ANAPC2: variants seen among roughly 807,000 people sequenced by gnomAD.
The protein encoded by ANAPC2 is anaphase promoting complex subunit 2.
ANAPC2 carries 29 observed loss-of-function variants against 84.3 expected under a neutral mutation model. That is an observed-to-expected ratio of 0.34 (90% CI 0.26 to 0.47). The LOEUF is 0.47. Ranked by LOEUF, ANAPC2 falls within the 20% of genes least tolerant of loss-of-function variation. The probability of loss-of-function intolerance (pLI) is 1.00; values close to 1 mark genes in which losing one functional copy is unlikely to be tolerated. For missense variants in ANAPC2, 857 were observed against 1,131.7 expected, an observed-to-expected ratio of 0.76 and a Z score of 3.48; for synonymous variants, 571 against 479.4, an observed-to-expected ratio of 1.19 and a Z score of -2.50.
At chr9:137,177,310 G>A (rs1041867561) in intron 10 of ANAPC2, among the ~76,000 whole-genome samples, 6 of 146,046 alleles carry the variant, frequency 4.1e-5, no homozygotes, top group South Asian at 4.6e-4. Context: ...GTTTGGACTC[G>A]CTGTCCTTTT....
chr9:137,180,508 G>A lies in ANAPC2; in HGVS notation c.1630C>T (p.Leu544=). Residue 544 remains leucine (L), a synonymous_variant, in exon 9 of 13, where the codon CTG becomes TTG. Coordinates refer to ENST00000323927, the MANE Select transcript of ANAPC2 (RefSeq NM_013366.4). ...SPEREIRNVE[L]LKLRFGEAPM... ...GCCTCGCCAAAGCGCAGCTTCAGCA[G>A]CTCCACGTTGCGGATCTCCCTGGAA... 1 of 1,613,026 alleles carries A rather than the reference G, an allele frequency of 6.2e-7. No individual in the cohort carries two copies. Among genetic ancestry groups the A allele is most frequent in the Non-Finnish European group, 8.5e-7 (1 of 1,179,924 alleles).
rs1834517226 is a variant in ANAPC2, at chr9:137,188,095, G to C, written c.126C>G (p.Ser42=). Residue 42 remains serine, a synonymous_variant, in exon 2 of 13, where the codon TCC becomes TCG. Coordinates refer to ENST00000323927, the MANE Select transcript of ANAPC2 (RefSeq NM_013366.4). Reference sequence around the variant, plus strand: ...TTGGCGGGACTGCACCGCTGGTCCGGGAAGACACCTGGGGTGCAGAAAACC... The same window carrying C: ...TTGGCGGGACTGCACCGCTGGTCCGCGAAGACACCTGGGGTGCAGAAAACC... ...VPPAALGLVS[S]RTSGAVPPKE... The C allele has an allele frequency of 6.2e-7, 1 of 1,611,196 alleles. No individual in the cohort carries two copies. Among genetic ancestry groups the C allele is most frequent in the East Asian group, 2.2e-5 (1 of 44,870 alleles).
At position 137,187,630 on chromosome 9, in the gene ANAPC2, C is replaced by T; in HGVS notation, c.591G>A (p.Pro197=). 1.9e-6 allele frequency: 3 copies of T among 1,614,098 alleles called. No homozygotes were observed. The highest frequency in any genetic ancestry group is 2.5e-6 in the Non-Finnish European group (3 of 1,180,034). ...GGCTGTCCAGCTCCCCTTCCAGTTC[C>T]GGGTCTGTGCCCCCTTCCCCCTTCC... ...SKRKGEGGTD[P]ELEGELDSRY... is the part of the protein sequence containing the mutation. The change falls in exon 2 of 13, where the codon CCG becomes CCA. Residue 197 remains proline (P), a synonymous_variant. Transcript: ENST00000323927.
rs547784463 is a variant in ANAPC2 at position 137,180,432 on chromosome 9, C to T, written c.1686+20G>A. The T allele has an allele frequency of 6.7e-5, 108 of 1,612,668 alleles. No homozygotes were observed. Among genetic ancestry groups the T allele is most frequent in the African/African-American group, 1.5e-4 (11 of 75,070 alleles). ...GGGGACCTGCGGGGCGGCCGGGCAG[C>T]GGGCGGGGCTGGGACCCACCTTCAG... On this transcript the variant is annotated intron_variant, in intron 9 of 12. Coordinates refer to ENST00000323927, the MANE Select transcript of ANAPC2 (RefSeq NM_013366.4).
At chr9:137,181,462 C>T (rs565959685) in intron 7 of ANAPC2, among the ~76,000 whole-genome samples, 2 of 152,274 alleles carry the variant, frequency 1.3e-5, no homozygotes, top group Non-Finnish European at 2.9e-5. Context: ...GCATCCCCCA[C>T]GGCCAGAGTG....
chr9:137,181,538 C>G, intron 7 of ANAPC2, 143 bp downstream of exon 7: 2 of 951,300 alleles, frequency 2.1e-6, no homozygotes, highest in Non-Finnish European at 2.9e-6. Context: ...GAGCACTGCC[C>G]TGACCTTTGA....
Position 137,188,101 on chromosome 9 carries a change from C to T in ANAPC2, c.120G>A (p.Val40=). The stretch of plus-strand genomic sequence containing the variant: ...GGACTGCACCGCTGGTCCGGGAAGA[C>T]ACCTGGGGTGCAGAAAACCGTGAGG... ...GLVPPAALGL[V]SSRTSGAVPP... is the part of the protein sequence containing the mutation. Residue 40 remains valine (V), a splice_region_variant and synonymous_variant, in exon 2 of 13, where the codon GTG becomes GTA. Transcript: ENST00000323927. 6.2e-7 allele frequency: 1 copy of T among 1,609,642 alleles called. No individual in the cohort carries two copies.
chr9:137,183,630 G>A (rs760008548), intron 5 of ANAPC2, 42 bp downstream of exon 5: 13 of 1,589,894 alleles, frequency 8.2e-6, no homozygotes, highest in South Asian at 1.1e-5. Flanking sequence ...CCTGGTGAGT[G>A]TCTAAGCCCA....
chr9:137,176,089 T>TGAGGTG, intron 10 of ANAPC2: 1 of 433,442 alleles, frequency 2.3e-6, no homozygotes, highest in African/African-American at 2.4e-5. Context: ...CCCCCAGTGC[T>TGAGGTG]TGGAAATGTG....
chr9:137,182,177 A>C (rs1834357522), intron 6 of ANAPC2, among the ~76,000 whole-genome samples: 1 of 152,056 alleles, frequency 6.6e-6, no homozygotes, highest in South Asian at 2.1e-4. Flanking sequence ...CTGCCACTGC[A>C]CTCCAACAGA....
In ANAPC2 at chr9:137,183,207, A is replaced by T. The variant is rs745612567; in HGVS notation, c.1204T>A (p.Ser402Thr). Reference protein sequence around the residue: ...NTCDIITLYISAIKALRVLDP... With the variant: ...NTCDIITLYITAIKALRVLDP... ...AGCACGCGCAGCGCCTTGATGGCAG[A>T]GATATAGAGGGTGATGATGTCACAC... is the stretch of plus-strand genomic sequence containing the variant. Residue 402 changes from serine to threonine, a missense_variant, in exon 6 of 13, where the codon TCT (serine) becomes ACT (threonine). By Grantham distance (58) the Ser-to-Thr change is moderately conservative. Around this residue, in one of 3 missense-constraint regions of ANAPC2, gnomAD observed 425 missense variants for 595.5 expected, o/e 0.71. Transcript: ENST00000323927. 1 of 1,613,220 alleles carries T rather than the reference A, an allele frequency of 6.2e-7. No individual in the cohort carries two copies. The highest frequency in any genetic ancestry group is 8.5e-7 in the Non-Finnish European group (1 of 1,179,950).
chr9:137,181,535 G>A (rs1834343286), intron 7 of ANAPC2, 146 bp downstream of exon 7: 1 of 911,750 alleles, frequency 1.1e-6, no homozygotes, highest in Admixed American at 3.5e-5. Context: ...GCGGAGCACT[G>A]CCCTGACCTT....
intron 10 of ANAPC2, among the ~76,000 whole-genome samples, chr9:137,178,498 G>A (rs141106763): frequency 6.6e-6 from 1 of 151,914 alleles, no homozygotes; most frequent in Non-Finnish European, 1.5e-5. Context: ...AGGCCATTGG[G>A]GCCTTGCCTG....
intron 10 of ANAPC2, among the ~76,000 whole-genome samples, chr9:137,178,941 G>A (rs1382468521): frequency 6.6e-6 from 1 of 152,198 alleles, no homozygotes; most frequent in Non-Finnish European, 1.5e-5. Flanking sequence ...CCTCCCCTAG[G>A]AGTAAGTTCC....
rs139583307 is a variant in ANAPC2 at position 137,175,369 on chromosome 9, C to A, written c.2124G>T (p.Glu708Asp). ...VWLQQGVLRE[E>D]PPGTFSVIEE... ...CAATGACAGAGAAGGTGCCGGGGGGCTCCTCACGCAGCACACCCTGCTGCA... is the reference window on the plus strand; with the variant it reads ...CAATGACAGAGAAGGTGCCGGGGGGATCCTCACGCAGCACACCCTGCTGCA... The change falls in exon 12 of 13, where the codon GAG (glutamate) becomes GAT (aspartate). Residue 708 changes from glutamate (E) to aspartate (D), a missense_variant. By Grantham distance (45) the Glu-to-Asp change is conservative (BLOSUM62 2). Coordinates refer to ENST00000323927, the MANE Select transcript of ANAPC2 (RefSeq NM_013366.4). 136 of 1,611,438 alleles carry A rather than the reference C, an allele frequency of 8.4e-5. 1 individual carries two copies. The African/African-American group carries it at 1.4e-3, about 17-fold the overall frequency.
Position 137,175,914 on chromosome 9 carries a change from G to C in ANAPC2, c.1891-77C>G, listed in dbSNP as rs1418308134. 41 of 1,490,160 alleles carry C rather than the reference G, an allele frequency of 2.8e-5. No homozygotes were observed. The East Asian group carries it at 8.0e-4, about 29-fold the overall frequency. The allele number at this position is 1,490,160 out of a possible 1,614,324, so 92.3% of individuals were successfully genotyped here. On this transcript the variant is annotated intron_variant, in intron 10 of 12. Coordinates refer to ENST00000323927, the MANE Select transcript of ANAPC2 (RefSeq NM_013366.4). The stretch of plus-strand genomic sequence containing the variant: ...CCGTGGGCTCTGCCACCTGGTACCA[G>C]TGAGAAAGGGGCTCCCAGAGCCACC...
At chr9:137,183,830 T>A (rs769953040) in intron 4 of ANAPC2, 39 bp from the exon 5 acceptor site, 1 of 1,608,398 alleles carries the variant, frequency 6.2e-7, no homozygotes. Context: ...CAGACATGGA[T>A]GCGTGCGCAC....
At chr9:137,177,426 G>T (rs1377676746) in intron 10 of ANAPC2, among the ~76,000 whole-genome samples, 1 of 152,200 alleles carries the variant, frequency 6.6e-6, no homozygotes, top group East Asian at 1.9e-4. Context: ...CCAGCTGGAG[G>T]AATGGCGCGC....
chr9:137,185,122 G>C lies in ANAPC2; in HGVS notation c.874-35C>G, dbSNP rs907992019. 4.0e-6 allele frequency: 6 copies of C among 1,489,890 alleles called. No individual in the cohort carries two copies. The African/African-American group carries it at 8.6e-5, about 21-fold the overall frequency. 92.3% of individuals were successfully genotyped at this position (1,489,890 alleles called of 1,614,324 possible). On this transcript the variant is annotated intron_variant, in intron 3 of 12. Transcript: ENST00000323927. ...GAACGCTAGTGTGAGCTGCAGGGAG[G>C]CATGGTGAGCCCCGGGCTGACTCAG...
Sources: gnomAD v4.1 joint callset for allele counts (sites outside exome capture counted in the v4.1 genomes callset) on GRCh38, gnomAD v4.1.1 for gene constraint, gnomAD v4.1.1 regional missense constraint, MANE v1.5 for transcripts, NCBI Gene and HGNC (gene_info 2026-07-23, HGNC 2026-07-21) for gene names.